STON1: variants seen among roughly 807,000 people sequenced by gnomAD.
STON1 encodes stonin-1.
In STON1, 79 loss-of-function variants were observed where a neutral mutation model predicts 60.9. That is an observed-to-expected ratio of 1.30 (90% CI 1.08 to 1.56). The LOEUF (loss-of-function observed/expected upper bound fraction) is 1.56. STON1 is among the 40% of genes most tolerant of loss of function. STON1 has a pLI of 0.00. For missense variants in STON1, 1,166 were observed against 858.9 expected (o/e 1.36, Z -4.47); for synonymous variants, 363 against 306.9 (o/e 1.18, Z -1.91).
intron 1 of STON1, among the ~76,000 whole-genome samples, chr2:48,554,569 C>T (rs1672232438): frequency 6.6e-6 from 1 of 152,130 alleles, no homozygotes; most frequent in Non-Finnish European, 1.5e-5. Flanking sequence ...AAGAGGTTAG[C>T]CTGCCAGGGG....
intron 1 of STON1, among the ~76,000 whole-genome samples, chr2:48,538,720 C>G (rs1671528811): frequency 6.7e-6 from 1 of 149,490 alleles, no homozygotes; most frequent in Non-Finnish European, 1.5e-5. Context: ...GCCTCAGCCT[C>G]CCGAGTTGCT....
At chr2:48,575,294 G>T (rs186900697) in intron 1 of STON1, among the ~76,000 whole-genome samples, 8 of 152,278 alleles carry the variant, frequency 5.3e-5, no homozygotes, top group Middle Eastern at 3.4e-3. Context: ...TCCATCTGTT[G>T]ACTATTGTAA....
chr2:48,565,512 G>T (rs1314384572), intron 1 of STON1, among the ~76,000 whole-genome samples: 4 of 152,174 alleles, frequency 2.6e-5, no homozygotes, highest in Non-Finnish European at 5.9e-5. Context: ...AACAAAGGAG[G>T]ATCCCTGAGC....
rs189678406 is a variant in STON1 at position 48,539,178 on chromosome 2, A to C, written c.-48+8962A>C. The stretch of plus-strand genomic sequence containing the variant: ...GGTGATCCTCTTGCCTCAGTCTTTG[A>C]AAGTGTTGGGATTACAGGCATGAGC... On this transcript the variant is annotated intron_variant, in intron 1 of 3. Transcript: ENST00000404752. Among the ~76,000 whole-genome samples the C allele has an allele frequency of 4.2e-3, 645 of 152,226 alleles. 1 individual carries two copies. Among genetic ancestry groups the C allele is most frequent in the Non-Finnish European group, 6.9e-3 (467 of 68,006 alleles).
At chr2:48,571,179 T>C (rs1361651362) in intron 1 of STON1, among the ~76,000 whole-genome samples, 1 of 152,188 alleles carries the variant, frequency 6.6e-6, no homozygotes, top group Non-Finnish European at 1.5e-5. Context: ...TTGTGTGGAA[T>C]TGTCCTCTAG....
intron 2 of STON1, among the ~76,000 whole-genome samples, chr2:48,587,606 T>C (rs535563690): frequency 6.6e-6 from 1 of 152,306 alleles, no homozygotes; most frequent in South Asian, 2.1e-4. Context: ...TGAGTATTTA[T>C]TAGCAGTGGA....
intron 2 of STON1, among the ~76,000 whole-genome samples, chr2:48,585,282 C>G (rs1190698247): frequency 6.6e-6 from 1 of 151,918 alleles, no homozygotes; most frequent in Non-Finnish European, 1.5e-5. Flanking sequence ...GAGTGTTGCT[C>G]TGTCACCCAG....
chr2:48,575,828 C>T (rs966319538), intron 1 of STON1, among the ~76,000 whole-genome samples: 6 of 147,758 alleles, frequency 4.1e-5, no homozygotes, highest in Non-Finnish European at 7.5e-5. Context: ...GCGTGATACC[C>T]ATTCACTGCA....
intron 1 of STON1, among the ~76,000 whole-genome samples, chr2:48,563,950 C>T (rs181517590): frequency 6.6e-5 from 10 of 151,138 alleles, no homozygotes; most frequent in African/African-American, 2.4e-4. Context: ...CCACCCACCT[C>T]AGCCCTCCAA....
intron 1 of STON1, among the ~76,000 whole-genome samples, chr2:48,548,364 C>G (rs1000474805): frequency 6.6e-6 from 1 of 152,186 alleles, no homozygotes; most frequent in Admixed American, 6.5e-5. Context: ...TAAATGTAAT[C>G]TAGACAGTGA....
intron 3 of STON1, 67 bp from the exon 4 acceptor site, chr2:48,595,161 G>C (rs1572656065): frequency 8.2e-7 from 1 of 1,226,386 alleles, no homozygotes; most frequent in East Asian, 2.4e-5. Flanking sequence ...TATAAAATAG[G>C]ACTGAAGAGG....
At position 48,582,249 on chromosome 2, in the gene STON1, C is replaced by T. The variant is rs775178647; in HGVS notation, c.1616C>T (p.Ala539Val). Reference protein sequence around the residue: ...SLKSVVVVQGAYVELQAFVNM... With the variant: ...SLKSVVVVQGVYVELQAFVNM... ...AAGTCTGTAGTGGTTGTCCAGGGAG[C>T]ATACGTGGAACTTCAGGCTTTTGTC... Residue 539 changes from alanine to valine, a missense_variant, in exon 2 of 4, where the codon GCA becomes GTA. By Grantham distance (64) the Ala-to-Val change is moderately conservative (BLOSUM62 0). Transcript: ENST00000404752. 2 of 1,614,182 alleles carry T rather than the reference C, an allele frequency of 1.2e-6. No homozygotes were observed. The highest frequency in any genetic ancestry group is 3.3e-5 in the Admixed American group (2 of 60,024).
chr2:48,590,927 AAGTT>A (rs767355631), intron 2 of STON1, among the ~76,000 whole-genome samples: 4 of 152,168 alleles, frequency 2.6e-5, no homozygotes, highest in Non-Finnish European at 5.9e-5. Context: ...CATTTTCTGA[AAGTT>A]AAGTTTAACT....
chr2:48,578,102 G>T (rs575247594), intron 1 of STON1, among the ~76,000 whole-genome samples: 1 of 152,264 alleles, frequency 6.6e-6, no homozygotes, highest in Non-Finnish European at 1.5e-5. Flanking sequence ...AGCCTCCAGA[G>T]TAGCTTGGAA....
At chr2:48,531,431 G>A (rs1422550845) in intron 1 of STON1, 1 of 152,206 alleles carries the variant, frequency 6.6e-6, no homozygotes, top group Non-Finnish European at 1.5e-5. Context: ...TGATTGGGTG[G>A]AAGAATTGTT....
At chr2:48,546,710 T>C (rs1403182387) in intron 1 of STON1, among the ~76,000 whole-genome samples, 1 of 152,254 alleles carries the variant, frequency 6.6e-6, no homozygotes, top group Non-Finnish European at 1.5e-5. Flanking sequence ...TTATTGCTAT[T>C]GCTGTTGAAT....
intron 1 of STON1, among the ~76,000 whole-genome samples, chr2:48,580,137 A>C (rs1451870685): frequency 1.3e-5 from 2 of 152,030 alleles, no homozygotes; most frequent in Non-Finnish European, 2.9e-5. Context: ...CGAACTGCTG[A>C]CCTCAGGTGA....
At position 48,582,482 on chromosome 2, in the gene STON1, G is replaced by A. The variant is rs778606807; in HGVS notation, c.1849G>A (p.Val617Ile). Residue 617 changes from valine (V) to isoleucine (I), a missense_variant, in exon 2 of 4, where the codon GTC (valine) becomes ATC (isoleucine). Physicochemically the swap from Val to Ile is conservative, Grantham distance 29. Coordinates refer to ENST00000404752, the MANE Select transcript of STON1 (RefSeq NM_006873.4). ...QELESEPVIQ[V>I]TVGSAKYESA... ...ACTTGAATCTGAACCTGTCATTCAA[G>A]TCACTGTGGGGTCAGCAAAATATGA... 12 of 1,614,198 alleles carry A rather than the reference G, an allele frequency of 7.4e-6. No homozygotes were observed. The highest frequency in any genetic ancestry group is 7.6e-6 in the Non-Finnish European group (9 of 1,179,996).
At chr2:48,536,834 T>C (rs1185299518) in intron 1 of STON1, among the ~76,000 whole-genome samples, 2 of 152,216 alleles carry the variant, frequency 1.3e-5, no homozygotes, top group Admixed American at 6.5e-5. Context: ...CCCCTATAAA[T>C]GTCTTCTACA....
Sources: allele counts gnomAD v4.1 joint callset (sites outside exome capture counted in the v4.1 genomes callset), GRCh38; gene constraint gnomAD v4.1.1; transcripts MANE v1.5; gene names NCBI Gene and HGNC (gene_info 2026-07-23, HGNC 2026-07-21).